The following AGBL1 variants were observed in gnomAD, a reference collection of about 807,000 sequenced individuals.
AGBL1 encodes the protein cytosolic carboxypeptidase 4.
A neutral mutation model predicts 118.9 loss-of-function variants in AGBL1; 130 were observed. That is an observed-to-expected ratio of 1.09 (90% CI 0.95 to 1.26). The LOEUF (loss-of-function observed/expected upper bound fraction) is 1.26. AGBL1 is among the 50% of genes most tolerant of loss of function. AGBL1 has a pLI of 0.00. For synonymous variants in AGBL1, 555 were observed against 478.9 expected, an observed-to-expected ratio of 1.16 and a Z score of -2.08; for missense variants, 1,584 against 1,298.1, an observed-to-expected ratio of 1.22 and a Z score of -3.38.
At chr15:86,535,454 G>A (rs2083412293) in intron 19 of AGBL1, among the ~76,000 whole-genome samples, 1 of 152,236 alleles carries the variant, frequency 6.6e-6, no homozygotes, top group Non-Finnish European at 1.5e-5. Context: ...CCATATTGCA[G>A]CTGGCCTGGC....
chr15:86,899,659 C>G (rs1251781709), intron 22 of AGBL1, among the ~76,000 whole-genome samples: 3 of 151,784 alleles, frequency 2.0e-5, no homozygotes, highest in Non-Finnish European at 4.4e-5. Context: ...TTCATTTTAC[C>G]TCACATGAAG....
chr15:86,128,038 T>C (rs1053347048), intron 1 of AGBL1, among the ~76,000 whole-genome samples: 10 of 152,164 alleles, frequency 6.6e-5, no homozygotes, highest in African/African-American at 2.4e-4. Context: ...TTTTAGTGGG[T>C]AACATTATCT....
intron 24 of AGBL1, among the ~76,000 whole-genome samples, chr15:87,011,163 C>G (rs1469106928): frequency 2.0e-5 from 3 of 152,180 alleles, no homozygotes; most frequent in Non-Finnish European, 2.9e-5. Flanking sequence ...CCTGCCTTGT[C>G]TTTGCACTCC....
At chr15:86,287,885 C>T (rs1044348809) in intron 16 of AGBL1, among the ~76,000 whole-genome samples, 2 of 152,158 alleles carry the variant, frequency 1.3e-5, no homozygotes, top group Non-Finnish European at 2.9e-5. Flanking sequence ...TTATGAAGCA[C>T]TGGTGCTAGT....
Position 86,968,856 on chromosome 15 carries a change from C to G in AGBL1, c.3222-19131C>G, listed in dbSNP as rs117191852. On this transcript the variant is annotated intron_variant, in intron 23 of 24. Coordinates refer to the AGBL1 transcript ENST00000441037. ...GGGCTTGTTACTCACAGATGGAGAC[C>G]CCTTGTAGCTTTCTCACATCGTGGA... 4.6e-3 allele frequency among the ~76,000 whole-genome samples: 700 copies of G among 151,856 alleles called. 5 individuals carry two copies. Among genetic ancestry groups the G allele is most frequent in the Non-Finnish European group, 6.3e-3 (426 of 67,870 alleles).
At chr15:86,808,211 G>C (rs118024696) in intron 22 of AGBL1, among the ~76,000 whole-genome samples, 246 of 152,164 alleles carry the variant, frequency 1.6e-3, no homozygotes, top group Non-Finnish European at 2.8e-3. Context: ...TTGACCCCTG[G>C]TATTCTCCAT....
intron 18 of AGBL1, among the ~76,000 whole-genome samples, chr15:86,401,408 G>T (rs75524726): frequency 1.3e-5 from 2 of 152,046 alleles, no homozygotes; most frequent in African/African-American, 2.4e-5. Context: ...TGGGTTGTCT[G>T]TTTACTCTGC....
intron 5 of AGBL1, among the ~76,000 whole-genome samples, chr15:86,210,773 C>T (rs190015827): frequency 2.0e-3 from 305 of 152,296 alleles, no homozygotes; most frequent in Non-Finnish European, 3.0e-3. Flanking sequence ...CCTCCTTTAG[C>T]TCAGGGAAGT....
chr15:86,955,773 G>C (rs371796061), intron 23 of AGBL1, among the ~76,000 whole-genome samples: 1 of 152,074 alleles, frequency 6.6e-6, no homozygotes, highest in African/African-American at 2.4e-5. Flanking sequence ...AAATCAACTA[G>C]ACTCGATTTT....
At chr15:86,374,780 G>T (rs2081016543) in intron 17 of AGBL1, among the ~76,000 whole-genome samples, 2 of 152,168 alleles carry the variant, frequency 1.3e-5, no homozygotes, top group African/African-American at 4.8e-5. Context: ...GCACACAGGA[G>T]CCAGACTGCC....
chr15:86,341,263 TA>T (rs2080457621), intron 17 of AGBL1, among the ~76,000 whole-genome samples: 1 of 152,204 alleles, frequency 6.6e-6, no homozygotes, highest in African/African-American at 2.4e-5. Flanking sequence ...TCTGACTTGC[TA>T]GGCTGCCCTT....
intron 18 of AGBL1, among the ~76,000 whole-genome samples, chr15:86,492,057 A>T (rs2082788176): frequency 6.6e-6 from 1 of 152,100 alleles, no homozygotes; most frequent in South Asian, 2.1e-4. Flanking sequence ...AGATAACACA[A>T]TCCCTACCCT....
rs776588646 is a variant in AGBL1 at position 86,262,792 on chromosome 15, A to T, written c.984A>T (p.Glu328Asp). The T allele has an allele frequency of 6.2e-7, 1 of 1,606,550 alleles. No homozygotes were observed. ...EDGKVEDDDL[E>D]TDVNKLSSKP... ...TTCCATTTTAGGATGATGACTTGGA[A>T]ACAGACGTGAACAAGCTGAGTTCCA... is the stretch of plus-strand genomic sequence containing the variant. Residue 328 changes from glutamate to aspartate, a missense_variant, in exon 10 of 23, where the codon GAA becomes GAT. Transcript: ENST00000614907.
intron 24 of AGBL1, among the ~76,000 whole-genome samples, chr15:87,015,089 C>T (rs181290853): frequency 2.0e-5 from 3 of 152,252 alleles, no homozygotes; most frequent in African/African-American, 7.2e-5. Flanking sequence ...AGGAAAGGGA[C>T]ACTCTTCTTC....
intron 21 of AGBL1, among the ~76,000 whole-genome samples, chr15:86,574,318 T>A (rs572766150): frequency 6.6e-6 from 1 of 152,140 alleles, no homozygotes; most frequent in Non-Finnish European, 1.5e-5. Context: ...CAGCCACTCA[T>A]CCAAGTCCAG....
At chr15:86,220,061 C>T (rs761300986) in intron 5 of AGBL1, among the ~76,000 whole-genome samples, 7 of 148,424 alleles carry the variant, frequency 4.7e-5, no homozygotes, top group Non-Finnish European at 8.9e-5. Flanking sequence ...AAGCAATTCT[C>T]CTGCCTCAGC....
intron 1 of AGBL1, among the ~76,000 whole-genome samples, chr15:86,093,115 G>A (rs894728618): frequency 3.9e-5 from 6 of 152,090 alleles, no homozygotes; most frequent in African/African-American, 4.8e-5. Context: ...AATGGAGACC[G>A]TAGTGATCCA....
At chr15:86,721,552 C>G (rs539814732) in intron 22 of AGBL1, among the ~76,000 whole-genome samples, 3 of 152,144 alleles carry the variant, frequency 2.0e-5, no homozygotes, top group Non-Finnish European at 4.4e-5. Flanking sequence ...CAATATCATA[C>G]TGAATGGGCA....
At chr15:86,495,823 ATTTT>A (rs1293345467) in intron 18 of AGBL1, among the ~76,000 whole-genome samples, 1 of 151,544 alleles carries the variant, frequency 6.6e-6, no homozygotes, top group Non-Finnish European at 1.5e-5. Flanking sequence ...TATTATGTAG[ATTTT>A]TTTATCTTGC....
Sources: gnomAD v4.1 joint callset for allele counts (sites outside exome capture counted in the v4.1 genomes callset) on GRCh38, gnomAD v4.1.1 for gene constraint, MANE v1.5 for transcripts, NCBI Gene and HGNC (gene_info 2026-07-23, HGNC 2026-07-21) for gene names.